KANSL1L: variants seen among roughly 807,000 people sequenced by gnomAD.
KANSL1L encodes KAT8 regulatory NSL complex subunit 1 like, also known as KAT8 regulatory NSL complex subunit 1-like protein.
In KANSL1L, 25 loss-of-function variants were observed where a neutral mutation model predicts 108.6. That is an observed-to-expected ratio of 0.23 (90% CI 0.17 to 0.32). KANSL1L has a LOEUF of 0.32. Ranked by LOEUF, KANSL1L falls within the 10% of genes least tolerant of loss-of-function variation. The pLI is 1.00. For synonymous variants in KANSL1L, 405 were observed against 395.1 expected (o/e 1.03, Z -0.30); for missense variants, 1,137 against 1,125.7 (o/e 1.01, Z -0.14).
chr2:210,143,086 C>T (rs1263699043), intron 2 of KANSL1L, among the ~76,000 whole-genome samples: 1 of 152,070 alleles, frequency 6.6e-6, no homozygotes, highest in East Asian at 1.9e-4. Flanking sequence ...TTTTCCTTCA[C>T]ATCTATTAAT....
intron 5 of KANSL1L, chr2:210,079,878 A>G (rs936764372): frequency 2.7e-5 from 4 of 149,204 alleles, no homozygotes; most frequent in African/African-American, 9.9e-5. Context: ...TTTGGGTTGC[A>G]GGCATATAAC....
At chr2:210,135,978 A>G (rs1292214242) in intron 2 of KANSL1L, among the ~76,000 whole-genome samples, 2 of 152,138 alleles carry the variant, frequency 1.3e-5, no homozygotes, top group Non-Finnish European at 2.9e-5. Flanking sequence ...CATGAAGTAA[A>G]CAACAAACAA....
rs1319867559 is a variant in KANSL1L, at chr2:210,021,861, A to G, written c.*1088T>C. 1 of 151,582 alleles carries G rather than the reference A, an allele frequency of 6.6e-6. No individual in the cohort carries two copies. The highest frequency in any genetic ancestry group is 1.9e-4 in the East Asian group (1 of 5,188). The allele number at this position is 151,582 out of a possible 1,614,324, so 9.4% of individuals were successfully genotyped here. A position where few individuals can be genotyped will look rare whatever the true frequency, so the allele number is the denominator to read the frequency against. Reference sequence around the variant, plus strand: ...ATATTGAAGCTTTGTTCTTTGAAAAATTTTAATTTCCAATCTAGGATGCAA... The same window carrying G: ...ATATTGAAGCTTTGTTCTTTGAAAAGTTTTAATTTCCAATCTAGGATGCAA... On this transcript the variant is annotated 3_prime_UTR_variant, in exon 15 of 15. Coordinates refer to ENST00000281772, the MANE Select transcript of KANSL1L (RefSeq NM_152519.4).
At chr2:210,097,916 T>C (rs1165123348) in intron 5 of KANSL1L, 170 bp downstream of exon 5, 1 of 398,970 alleles carries the variant, frequency 2.5e-6, no homozygotes, top group Non-Finnish European at 4.5e-6. Flanking sequence ...ACCTTAATTG[T>C]GTAAATTTAA....
At chr2:210,155,410 T>G (rs1203100895) in intron 1 of KANSL1L, 1 of 152,134 alleles carries the variant, frequency 6.6e-6, no homozygotes, top group Non-Finnish European at 1.5e-5. Flanking sequence ...AGACTCTGTC[T>G]CAAAGAAAAG....
chr2:210,069,984 A>C (rs2094495025), intron 6 of KANSL1L, among the ~76,000 whole-genome samples: 2 of 150,074 alleles, frequency 1.3e-5, no homozygotes, highest in Non-Finnish European at 3.0e-5. Flanking sequence ...ACCTGCCACC[A>C]CACCCGGCTA....
chr2:210,059,744 C>A (rs2094399177), intron 6 of KANSL1L, among the ~76,000 whole-genome samples: 1 of 151,998 alleles, frequency 6.6e-6, no homozygotes, highest in Non-Finnish European at 1.5e-5. Context: ...AGTTGGCTTC[C>A]CAGCAGCATA....
In KANSL1L at chr2:210,129,042, G is replaced by T. The variant is rs765823767; in HGVS notation, c.1219C>A (p.Arg407Ser). The change falls in exon 3 of 15, where the codon CGT becomes AGT. Residue 407 changes from arginine to serine, a missense_variant. Transcript: ENST00000281772. ...QQLTDIHRQI[R>S]ASKGIVVLEE... is the part of the protein sequence containing the mutation. ...CAGACAGACAATACCTTGGAGGCAC[G>T]AATTTGCCTGTGAATGTCTGTTAGT... The T allele has an allele frequency of 1.9e-6, 3 of 1,613,406 alleles. No homozygotes were observed. Among genetic ancestry groups the T allele is most frequent in the Non-Finnish European group, 2.5e-6 (3 of 1,179,480 alleles).
intron 6 of KANSL1L, among the ~76,000 whole-genome samples, chr2:210,065,579 A>ATTTTTTTTTTTTTTTTT (rs57999970): frequency 1.5e-5 from 1 of 64,908 alleles, no homozygotes; most frequent in Admixed American, 1.9e-4. Flanking sequence ...CCTGGACATG[A>ATTTTTTTTTTTTTTTTT]TTTTTTTTTT....
At position 210,098,160 on chromosome 2, in the gene KANSL1L, G is replaced by C; in HGVS notation, c.1476C>G (p.Asn492Lys). 1.2e-6 allele frequency: 2 copies of C among 1,612,604 alleles called. No individual in the cohort carries two copies. The highest frequency in any genetic ancestry group is 1.1e-5 in the South Asian group (1 of 90,908). ...AGAGGGGTGATGAAGTTGGGGACAAGTTGAGAGGGGCAATCAAACTGTTGA... is the reference window on the plus strand; with the variant it reads ...AGAGGGGTGATGAAGTTGGGGACAACTTGAGAGGGGCAATCAAACTGTTGA... ...EIINSLIAPL[N>K]LSPTSSPLSS... Residue 492 changes from asparagine to lysine, a missense_variant, in exon 5 of 15, where the codon AAC (asparagine) becomes AAG (lysine). Asn to Lys is a moderately conservative substitution (Grantham distance 94). Transcript: ENST00000281772.
intron 5 of KANSL1L, among the ~76,000 whole-genome samples, chr2:210,091,817 T>C (rs927394592): frequency 6.6e-6 from 1 of 152,208 alleles, no homozygotes; most frequent in African/African-American, 2.4e-5. Flanking sequence ...CCAGATAATA[T>C]ACTACTGCCC....
intron 2 of KANSL1L, among the ~76,000 whole-genome samples, chr2:210,141,111 C>A (rs1222492330): frequency 1.3e-5 from 2 of 151,894 alleles, no homozygotes; most frequent in Admixed American, 1.3e-4. Context: ...TTTCTTTCCT[C>A]TCTTCCCCTC....
At chr2:210,066,416 C>CAA (rs2094467358) in intron 6 of KANSL1L, among the ~76,000 whole-genome samples, 1 of 152,146 alleles carries the variant, frequency 6.6e-6, no homozygotes, top group Non-Finnish European at 1.5e-5. Flanking sequence ...AATAGATGGC[C>CAA]AAAACAACGG....
At chr2:210,156,825 C>T (rs936100481) in intron 1 of KANSL1L, among the ~76,000 whole-genome samples, 2 of 151,838 alleles carry the variant, frequency 1.3e-5, no homozygotes, top group African/African-American at 4.8e-5. Context: ...ATGGTTAATA[C>T]TGAGTGAAAA....
intron 6 of KANSL1L, among the ~76,000 whole-genome samples, chr2:210,055,163 G>C (rs2094336945): frequency 6.6e-6 from 1 of 152,184 alleles, no homozygotes; most frequent in Non-Finnish European, 1.5e-5. Flanking sequence ...TTTATAAGGG[G>C]CTTTTTCCCC....
intron 2 of KANSL1L, among the ~76,000 whole-genome samples, chr2:210,131,992 C>T (rs945931750): frequency 3.9e-5 from 6 of 152,066 alleles, no homozygotes; most frequent in African/African-American, 9.7e-5. Context: ...CCAGAAAGCC[C>T]GGCCTGAAAT....
intron 1 of KANSL1L, 117 bp from the exon 2 acceptor site, chr2:210,154,728 T>C (rs1193287768): frequency 2.1e-6 from 1 of 479,776 alleles, no homozygotes; most frequent in East Asian, 3.4e-5. Flanking sequence ...ACAAAACTCC[T>C]CCTTCATCTC....
intron 1 of KANSL1L, among the ~76,000 whole-genome samples, chr2:210,160,477 C>T (rs560691884): frequency 6.6e-6 from 1 of 152,228 alleles, no homozygotes; most frequent in East Asian, 1.9e-4. Flanking sequence ...TTTAATAAGG[C>T]AGCAAACACA....
chr2:210,024,433 C>T (rs990345945), intron 13 of KANSL1L, among the ~76,000 whole-genome samples: 27 of 151,852 alleles, frequency 1.8e-4, no homozygotes, highest in African/African-American at 6.3e-4. Context: ...GAGGGTTATT[C>T]TTGTTTTTTA....
Sources: gnomAD v4.1 joint callset for allele counts (sites outside exome capture counted in the v4.1 genomes callset) on GRCh38, gnomAD v4.1.1 for gene constraint, MANE v1.5 for transcripts, NCBI Gene and HGNC (gene_info 2026-07-23, HGNC 2026-07-21) for gene names.